Variants in SYNJ1 observed in about 807,000 individuals in gnomAD.
The protein encoded by SYNJ1 is synaptojanin 1.
Under a neutral mutation model 168.2 loss-of-function variants are expected in SYNJ1, and 78 were observed. That is an observed-to-expected ratio of 0.46 (90% confidence interval 0.39 to 0.56). The LOEUF (loss-of-function observed/expected upper bound fraction) is 0.56, where lower values mean the gene tolerates loss of function less well. Ranked by LOEUF, SYNJ1 falls within the 20% of genes least tolerant of loss-of-function variation. The pLI is 0.00. For missense variants in SYNJ1, 1,303 were observed against 1,597.6 expected, an observed-to-expected ratio of 0.82 and a Z score of 3.14; for synonymous variants, 539 against 548.6, an observed-to-expected ratio of 0.98 and a Z score of 0.24.
intron 15 of SYNJ1, among the ~76,000 whole-genome samples, chr21:32,667,366 T>A (rs2145932990): frequency 6.6e-6 from 1 of 152,330 alleles, no homozygotes; most frequent in Non-Finnish European, 1.5e-5. Flanking sequence ...CATATACCCA[T>A]TTCAAAATTA....
Position 32,646,421 on chromosome 21 carries a change from T to G in SYNJ1, c.3219A>C (p.Ser1073=). Residue 1073 remains serine, a synonymous_variant, in exon 24 of 33, where the codon TCA becomes TCC. Transcript: ENST00000674351. Reference sequence around the variant, plus strand: ...GTGCACTGGGAGGCCCAGGAGTTCTTGACGGTGCTCGGCTTGGTCTGATGG... The same window carrying G: ...GTGCACTGGGAGGCCCAGGAGTTCTGGACGGTGCTCGGCTTGGTCTGATGG... The part of the protein sequence containing the change: ...SLPIRPSRAP[S]RTPGPPSAQS... The G allele has an allele frequency of 6.2e-7, 1 of 1,614,188 alleles. No individual in the cohort carries two copies. The highest frequency in any genetic ancestry group is 1.3e-5 in the African/African-American group (1 of 75,060).
intron 18 of SYNJ1, 86 bp from the exon 19 acceptor site, chr21:32,657,958 T>C: frequency 1.9e-6 from 2 of 1,047,962 alleles, no homozygotes; most frequent in Non-Finnish European, 2.8e-6. Flanking sequence ...AAATGTCTAT[T>C]ACATGCTGGA....
intron 2 of SYNJ1, among the ~76,000 whole-genome samples, chr21:32,724,086 G>A (rs1209582466): frequency 6.6e-6 from 1 of 151,592 alleles, no homozygotes; most frequent in Non-Finnish European, 1.5e-5. Context: ...AAGGCACTGA[G>A]GAAACACCAG....
intron 2 of SYNJ1, among the ~76,000 whole-genome samples, chr21:32,720,666 G>C (rs889835757): frequency 3.3e-5 from 5 of 152,130 alleles, no homozygotes; most frequent in Admixed American, 2.6e-4. Context: ...CTTACCACTA[G>C]ACAGATAAAA....
At chr21:32,646,683 TA>T in intron 23 of SYNJ1, 81 bp from the exon 24 acceptor site, 1 of 1,016,866 alleles carries the variant, frequency 9.8e-7, no homozygotes, top group South Asian at 1.4e-5. Flanking sequence ...TTTAAAAAGT[TA>T]AAATACACAA....
chr21:32,681,415 A>G (rs1031097001), intron 11 of SYNJ1, 81 bp downstream of exon 11: 7 of 1,436,286 alleles, frequency 4.9e-6, no homozygotes, highest in African/African-American at 2.9e-5. Context: ...CCATCTATTA[A>G]CTTTTAAAAG....
chr21:32,672,484 C>T (rs564853719), intron 14 of SYNJ1, among the ~76,000 whole-genome samples: 102 of 152,020 alleles, frequency 6.7e-4, no homozygotes, highest in African/African-American at 2.3e-3. Flanking sequence ...GGATTACAGG[C>T]GCACACCACC....
chr21:32,667,463 ATACT>A (rs1366320646), intron 15 of SYNJ1, among the ~76,000 whole-genome samples: 1 of 152,176 alleles, frequency 6.6e-6, no homozygotes, highest in East Asian at 1.9e-4. Context: ...CTAATAGTTT[ATACT>A]TAAAGTTCCC....
At chr21:32,644,844 G>T in intron 26 of SYNJ1, 124 bp downstream of exon 26, 1 of 1,053,196 alleles carries the variant, frequency 9.5e-7, no homozygotes, top group Non-Finnish European at 1.4e-6. Context: ...AGTTTTATTT[G>T]TGGATTAGTT....
Position 32,646,297 on chromosome 21 carries a change from C to CT in SYNJ1, c.3247+95dup, listed in dbSNP as rs2040065668. On this transcript the variant is annotated intron_variant, in intron 24 of 32. Transcript: ENST00000674351. ...TCTGTACCGGAGAAAACAGGGTGCACTTTATCACCTAGGTATGAAACTTAA... is the reference window on the plus strand; with the variant it reads ...TCTGTACCGGAGAAAACAGGGTGCACTTTTATCACCTAGGTATGAAACTTAA... 2.7e-5 allele frequency: 35 copies of CT among 1,274,272 alleles called. 1 individual carries two copies. The South Asian group carries it at 4.6e-4, about 17-fold the overall frequency. 78.9% of individuals were successfully genotyped at this position (1,274,272 alleles called of 1,614,324 possible). A position where few individuals can be genotyped will look rare whatever the true frequency, so the allele number is the denominator to read the frequency against.
intron 31 of SYNJ1, among the ~76,000 whole-genome samples, 167 bp downstream of exon 31, chr21:32,638,741 C>CATATAT (rs112225294): frequency 6.7e-6 from 1 of 149,662 alleles, no homozygotes; most frequent in African/African-American, 2.5e-5. Context: ...AAAACCCAAA[C>CATATAT]ATATATATAT....
intron 4 of SYNJ1, among the ~76,000 whole-genome samples, chr21:32,697,826 T>A (rs2042265236): frequency 6.6e-6 from 1 of 152,174 alleles, no homozygotes; most frequent in South Asian, 2.1e-4. Flanking sequence ...ATCCAATTAA[T>A]CATGCCTATT....
rs758803118 is a variant in SYNJ1 at position 32,685,765 on chromosome 21, A to G, written c.1101T>C (p.Asn367=). ...AGTCAAACCTTTGAACTTCACTTCC[A>G]TTGAAATAAAAAAATCCATAATCTA... is the stretch of plus-strand genomic sequence containing the variant. ...KFLDYGFFYF[N]GSEVQRCQSG... is the part of the protein sequence containing the mutation. The change falls in exon 9 of 33, where the codon AAT becomes AAC. Residue 367 remains asparagine (N), a synonymous_variant. Transcript: ENST00000674351. 1.9e-6 allele frequency: 3 copies of G among 1,606,814 alleles called. No individual in the cohort carries two copies. The highest frequency in any genetic ancestry group is 1.7e-6 in the Non-Finnish European group (2 of 1,177,834).
intron 24 of SYNJ1, 44 bp downstream of exon 24, chr21:32,646,348 AT>A (rs760326126): frequency 6.3e-7 from 1 of 1,576,736 alleles, no homozygotes; most frequent in Non-Finnish European, 8.7e-7. Flanking sequence ...CATCAAGCAC[AT>A]TGGCCACAGG....
chr21:32,715,459 G>A (rs917646471), intron 2 of SYNJ1, among the ~76,000 whole-genome samples: 34 of 151,080 alleles, frequency 2.3e-4, no homozygotes, highest in African/African-American at 7.6e-4. Flanking sequence ...GGGCAACAAA[G>A]TGAGACTCTG....
chr21:32,686,670 A>G (rs2041847445), intron 8 of SYNJ1, among the ~76,000 whole-genome samples: 6 of 152,178 alleles, frequency 3.9e-5, no homozygotes, highest in Admixed American at 3.9e-4. Flanking sequence ...GGAAACTGCT[A>G]TTTCTCTACT....
At position 32,629,841 on chromosome 21, in the gene SYNJ1, A is replaced by C. The variant is rs2039254768; in HGVS notation, c.*1964T>G. On this transcript the variant is annotated 3_prime_UTR_variant, in exon 33 of 33. Coordinates refer to ENST00000674351, the MANE Select transcript of SYNJ1 (RefSeq NM_203446.3). ...GCATATTGGCAGTGCAGGAGACAAA[A>C]TCCGCAGCTACTTTGAGGTATAGCC... 1 of 152,618 alleles carries C rather than the reference A, an allele frequency of 6.6e-6. No homozygotes were observed. The highest frequency in any genetic ancestry group is 6.5e-5 in the Admixed American group (1 of 15,288). 9.5% of individuals were successfully genotyped at this position (152,618 alleles called of 1,614,324 possible).
In SYNJ1 at chr21:32,650,120, A is replaced by G; in HGVS notation, c.3037+64T>C. 6 of 1,512,442 alleles carry G rather than the reference A, an allele frequency of 4.0e-6. No individual in the cohort carries two copies. The South Asian group carries it at 5.3e-5, about 13-fold the overall frequency. The allele number at this position is 1,512,442 out of a possible 1,614,324, so 93.7% of individuals were successfully genotyped here. A position where few individuals can be genotyped will look rare whatever the true frequency, so the allele number is the denominator to read the frequency against. On this transcript the variant is annotated intron_variant, in intron 23 of 32. Coordinates refer to ENST00000674351, the MANE Select transcript of SYNJ1 (RefSeq NM_203446.3). ...AAGAAAGATGAACTTGGAAAATAAG[A>G]CTTTACAGATTGGAAGAAAACATAT...
At chr21:32,641,445 T>C (rs1182643801) in intron 29 of SYNJ1, among the ~76,000 whole-genome samples, 1 of 152,152 alleles carries the variant, frequency 6.6e-6, no homozygotes, top group Admixed American at 6.5e-5. Context: ...CGGAATATGA[T>C]GAACCTGATC....
Sources: gnomAD v4.1 joint callset for allele counts (sites outside exome capture counted in the v4.1 genomes callset) on GRCh38, gnomAD v4.1.1 for gene constraint, MANE v1.5 for transcripts, NCBI Gene and HGNC (gene_info 2026-07-23, HGNC 2026-07-21) for gene names.